The following SH3PXD2A variants were observed in gnomAD, a reference collection of about 807,000 sequenced individuals.
SH3PXD2A encodes the protein SH3 and PX domains 2A.
Under a neutral mutation model 115.2 loss-of-function variants are expected in SH3PXD2A, and 32 were observed. That is an observed-to-expected ratio of 0.28 (90% CI 0.21 to 0.37). The LOEUF is 0.37. Among genes scored for constraint, SH3PXD2A ranks in the 10% least tolerant of loss-of-function variants. The pLI is 1.00. For missense variants in SH3PXD2A, 1,328 were observed against 1,498.7 expected (o/e 0.89, Z 1.88); for synonymous variants, 610 against 629.1 (o/e 0.97, Z 0.45).
chr10:103,706,924 A>T (rs2037987674), intron 5 of SH3PXD2A, among the ~76,000 whole-genome samples: 1 of 152,218 alleles, frequency 6.6e-6, no homozygotes, highest in African/African-American at 2.4e-5. Flanking sequence ...ACGGAATGGC[A>T]GCAGCCCGCG....
chr10:103,643,530 C>A (rs933415007), intron 8 of SH3PXD2A, among the ~76,000 whole-genome samples: 1 of 152,148 alleles, frequency 6.6e-6, no homozygotes, highest in African/African-American at 2.4e-5. Flanking sequence ...CCATGAAGTT[C>A]AACAAGAGAG....
chr10:103,807,479 T>G (rs1035542479), intron 1 of SH3PXD2A, among the ~76,000 whole-genome samples: 1 of 152,220 alleles, frequency 6.6e-6, no homozygotes, highest in Non-Finnish European at 1.5e-5. Context: ...CTTCCTTCAC[T>G]TGCTCACATG....
chr10:103,801,235 G>T, intron 2 of SH3PXD2A, 47 bp downstream of exon 2: 2 of 1,179,302 alleles, frequency 1.7e-6, no homozygotes, highest in Non-Finnish European at 2.5e-6. Context: ...AGAGAGGCCA[G>T]CCCACCAGAG....
chr10:103,694,742 A>G (rs1163424429), intron 5 of SH3PXD2A, among the ~76,000 whole-genome samples: 1 of 152,126 alleles, frequency 6.6e-6, no homozygotes, highest in African/African-American at 2.4e-5. Context: ...GTGGTTTATA[A>G]GCCCACTGGA....
intron 8 of SH3PXD2A, among the ~76,000 whole-genome samples, chr10:103,645,868 A>C (rs1757809838): frequency 6.6e-6 from 1 of 152,156 alleles, no homozygotes; most frequent in Admixed American, 6.5e-5. Context: ...GCATACCAAA[A>C]ATAGCTCCAC....
intron 3 of SH3PXD2A, among the ~76,000 whole-genome samples, chr10:103,742,868 A>T (rs2038458675): frequency 6.6e-6 from 1 of 152,148 alleles, no homozygotes. Flanking sequence ...CTGATGTGAC[A>T]CCCAGGAGAG....
intron 5 of SH3PXD2A, among the ~76,000 whole-genome samples, chr10:103,705,478 T>C (rs1456422712): frequency 2.0e-5 from 3 of 152,224 alleles, no homozygotes; most frequent in African/African-American, 7.2e-5. Flanking sequence ...AACTAAACCC[T>C]TGACACACAT....
At chr10:103,635,435 C>A (rs766304812) in intron 8 of SH3PXD2A, among the ~76,000 whole-genome samples, 1 of 152,346 alleles carries the variant, frequency 6.6e-6, no homozygotes, top group East Asian at 1.9e-4. Context: ...CCCGCCAGGG[C>A]GTTTGATGCC....
rs761783748 is a variant in SH3PXD2A at position 103,601,018 on chromosome 10, G to C, written c.*798C>G. The C allele has an allele frequency of 6.6e-6, 1 of 152,196 alleles. No homozygotes were observed. The highest frequency in any genetic ancestry group is 2.4e-5 in the African/African-American group (1 of 41,418). The allele number at this position is 152,196 out of a possible 1,614,324, so 9.4% of individuals were successfully genotyped here. On this transcript the variant is annotated 3_prime_UTR_variant, in exon 15 of 15. Coordinates refer to ENST00000369774, the MANE Select transcript of SH3PXD2A (RefSeq NM_001394015.1). ...CCCGAAACATGCAAAGGAACTGCCC[G>C]CCCAGAAATACCCAAAATAGTCTGT...
chr10:103,610,292 G>A (rs1391013200), intron 13 of SH3PXD2A, among the ~76,000 whole-genome samples: 2 of 152,252 alleles, frequency 1.3e-5, no homozygotes, highest in East Asian at 1.9e-4. Flanking sequence ...CAGGTGGGAT[G>A]CAGCTGGGCC....
chr10:103,716,622 T>A (rs1453405619), intron 5 of SH3PXD2A, among the ~76,000 whole-genome samples: 2 of 152,146 alleles, frequency 1.3e-5, no homozygotes, highest in African/African-American at 4.8e-5. Flanking sequence ...GGGCCCACTA[T>A]GTGTCCCATC....
intron 1 of SH3PXD2A, among the ~76,000 whole-genome samples, chr10:103,824,292 G>A (rs754580988): frequency 4.6e-5 from 7 of 152,184 alleles, no homozygotes; most frequent in Non-Finnish European, 1.0e-4. Flanking sequence ...GGAAATAACT[G>A]CAAGCTCTCC....
chr10:103,607,440 G>A (rs2036336497), intron 13 of SH3PXD2A, among the ~76,000 whole-genome samples: 1 of 151,752 alleles, frequency 6.6e-6, no homozygotes, highest in Admixed American at 6.6e-5. Context: ...GCCCTGTCCG[G>A]GAGGTGAGGG....
At chr10:103,826,958 C>T (rs1301975083) in intron 1 of SH3PXD2A, among the ~76,000 whole-genome samples, 1 of 152,154 alleles carries the variant, frequency 6.6e-6, no homozygotes, top group Non-Finnish European at 1.5e-5. Context: ...GGAGGGATAA[C>T]TCGTAGAATG....
chr10:103,662,378 A>T, intron 7 of SH3PXD2A, among the ~76,000 whole-genome samples: 2 of 108,944 alleles, frequency 1.8e-5, no homozygotes, highest in Non-Finnish European at 1.8e-5. Flanking sequence ...CACTTAAAAT[A>T]TGATGTGCTT....
At chr10:103,697,939 G>A (rs957794115) in intron 5 of SH3PXD2A, among the ~76,000 whole-genome samples, 1 of 152,156 alleles carries the variant, frequency 6.6e-6, no homozygotes, top group Non-Finnish European at 1.5e-5. Flanking sequence ...TTCTGAAGTA[G>A]GCAGAGCAGG....
In SH3PXD2A at chr10:103,666,876, C is replaced by T. The variant is rs1454783620; in HGVS notation, c.472+1732G>A. On this transcript the variant is annotated intron_variant, in intron 7 of 14. Coordinates refer to ENST00000369774, the MANE Select transcript of SH3PXD2A (RefSeq NM_001394015.1). The surrounding 1 kb of genome is among the most constrained non-coding windows in gnomAD (Gnocchi z 4.5). The stretch of plus-strand genomic sequence containing the variant: ...CAGCTCGGTGCCAGGGCTGCAGGTG[C>T]CAGGAGAAGGGTGGGGAAGGGAGGC... 1.3e-5 allele frequency among the ~76,000 whole-genome samples: 2 copies of T among 152,158 alleles called. No homozygotes were observed. Among genetic ancestry groups the T allele is most frequent in the Non-Finnish European group, 2.9e-5 (2 of 68,026 alleles).
intron 1 of SH3PXD2A, among the ~76,000 whole-genome samples, chr10:103,840,707 T>G (rs2039588805): frequency 1.3e-5 from 2 of 152,230 alleles, no homozygotes; most frequent in Admixed American, 1.3e-4. Flanking sequence ...CTCATGCATC[T>G]CTCTCTGCCT....
Position 103,603,794 on chromosome 10 carries a change from G to A in SH3PXD2A, c.1429-5C>T, listed in dbSNP as rs754770722. On this transcript the variant is annotated splice_polypyrimidine_tract_variant and splice_region_variant and intron_variant, in intron 14 of 14. Coordinates refer to ENST00000369774, the MANE Select transcript of SH3PXD2A (RefSeq NM_001394015.1). ...ACCTGAGTTCTTATCAATGACCTGG[G>A]GTACGAGTGCAGACAAGCCAGTGAG... 6.3e-7 allele frequency: 1 copy of A among 1,596,668 alleles called. No individual in the cohort carries two copies. The highest frequency in any genetic ancestry group is 8.5e-7 in the Non-Finnish European group (1 of 1,175,468).
Sources: gnomAD v4.1 joint callset for allele counts (sites outside exome capture counted in the v4.1 genomes callset) on GRCh38, gnomAD v4.1.1 for gene constraint, Gnocchi (gnomAD v3.1) non-coding constraint, MANE v1.5 for transcripts, NCBI Gene and HGNC (gene_info 2026-07-23, HGNC 2026-07-21) for gene names.